The following CNTN5 variants were observed in gnomAD, a reference collection of about 807,000 sequenced individuals.
The protein encoded by CNTN5 is contactin-5.
In CNTN5, 77 loss-of-function variants were observed where a neutral mutation model predicts 129.1. The observed-to-expected ratio is 0.60, with a 90% CI of 0.50 to 0.72. The LOEUF is 0.72. Ranked by LOEUF, CNTN5 falls within the 30% of genes least tolerant of loss-of-function variation. The probability of loss-of-function intolerance (pLI) is 0.00; values close to 1 mark genes in which losing one functional copy is unlikely to be tolerated. For synonymous variants in CNTN5, 509 were observed against 465.6 expected (o/e 1.09, Z -1.20); for missense variants, 1,478 against 1,328.8 (o/e 1.11, Z -1.75).
intron 1 of CNTN5, among the ~76,000 whole-genome samples, chr11:99,103,730 C>T (rs80042358): frequency 0.013 from 2,003 of 148,644 alleles, 46 homozygotes; most frequent in African/African-American, 0.046. Flanking sequence ...CTTGTTTAAC[C>T]AGGTGAACCA....
intron 1 of CNTN5, among the ~76,000 whole-genome samples, chr11:99,225,651 T>C (rs540763168): frequency 7.3e-4 from 111 of 152,258 alleles, no homozygotes; most frequent in African/African-American, 2.4e-3. Context: ...ACAATGATCA[T>C]ACAGTGTTGA....
intron 3 of CNTN5, among the ~76,000 whole-genome samples, chr11:99,739,293 C>G (rs1943816555): frequency 6.6e-6 from 1 of 152,020 alleles, no homozygotes; most frequent in African/African-American, 2.4e-5. Flanking sequence ...CAAGATGGTT[C>G]ATATGAGGAA....
At chr11:100,110,562 G>T (rs994755205) in intron 13 of CNTN5, among the ~76,000 whole-genome samples, 4 of 152,090 alleles carry the variant, frequency 2.6e-5, no homozygotes, top group African/African-American at 9.7e-5. Context: ...AAAAAACACA[G>T]AACAATCTAT....
At chr11:99,477,216 T>G (rs930397354) in intron 2 of CNTN5, among the ~76,000 whole-genome samples, 1 of 151,956 alleles carries the variant, frequency 6.6e-6, no homozygotes, top group Admixed American at 6.6e-5. Context: ...TAGGAAAAGA[T>G]TATTAATATT....
chr11:99,398,784 T>A (rs1345355251), intron 2 of CNTN5, among the ~76,000 whole-genome samples: 1 of 151,952 alleles, frequency 6.6e-6, no homozygotes, highest in Admixed American at 6.6e-5. Context: ...CTTCAGTTTT[T>A]GGCGATTATG....
At chr11:99,829,907 A>C (rs2135600229) in intron 4 of CNTN5, among the ~76,000 whole-genome samples, 1 of 152,270 alleles carries the variant, frequency 6.6e-6, no homozygotes, top group East Asian at 1.9e-4. Context: ...ACCAGAGCTG[A>C]CACTATACCT....
intron 3 of CNTN5, among the ~76,000 whole-genome samples, chr11:99,733,643 A>C (rs937410041): frequency 6.6e-6 from 1 of 152,146 alleles, no homozygotes; most frequent in Non-Finnish European, 1.5e-5. Flanking sequence ...TAAAGATGCA[A>C]GGTGCTGTAG....
intron 3 of CNTN5, among the ~76,000 whole-genome samples, chr11:99,601,780 T>G (rs1042750055): frequency 5.9e-5 from 9 of 152,220 alleles, no homozygotes; most frequent in African/African-American, 2.2e-4. Context: ...GCTGCCTGCT[T>G]TCTGAGCCAG....
rs941717082 is a variant in CNTN5 at position 99,116,513 on chromosome 11, G to T, written c.-210+95243G>T. ...TTGGATGTTGATTTCCTATTCTCAGGTTGCACGTTACATAATAGGCATGCA... is the reference window on the plus strand; with the variant it reads ...TTGGATGTTGATTTCCTATTCTCAGTTTGCACGTTACATAATAGGCATGCA... On this transcript the variant is annotated intron_variant, in intron 1 of 24. Transcript: ENST00000524871. Among the ~76,000 whole-genome samples the T allele has an allele frequency of 2.6e-5, 4 of 152,132 alleles. No homozygotes were observed. The South Asian group carries it at 8.3e-4, about 32-fold the overall frequency.
chr11:99,433,371 ATGTGTGTGTGTGTGTGTGT>A, intron 2 of CNTN5, among the ~76,000 whole-genome samples: 1 of 140,906 alleles, frequency 7.1e-6, no homozygotes, highest in East Asian at 2.0e-4. Context: ...TAAAAAAAAA[ATGTGTGTGTGTGTGTGTGT>A]GTGTGTGTGT....
intron 2 of CNTN5, among the ~76,000 whole-genome samples, chr11:99,417,825 A>G (rs552503288): frequency 5.8e-4 from 89 of 152,264 alleles, no homozygotes; most frequent in African/African-American, 2.1e-3. Context: ...AGCTATTGTT[A>G]GACTTAATAG....
intron 1 of CNTN5, among the ~76,000 whole-genome samples, chr11:99,205,382 A>G (rs1038604204): frequency 1.3e-5 from 2 of 151,942 alleles, no homozygotes; most frequent in African/African-American, 4.8e-5. Flanking sequence ...GTTTGCTCTC[A>G]AGACCCAGAG....
At chr11:100,156,207 A>G (rs1947236441) in intron 13 of CNTN5, among the ~76,000 whole-genome samples, 1 of 152,156 alleles carries the variant, frequency 6.6e-6, no homozygotes, top group Non-Finnish European at 1.5e-5. Context: ...AGTTTTTAGC[A>G]TGAAGCGGTG....
At chr11:99,563,160 TG>T (rs1298631779) in intron 3 of CNTN5, among the ~76,000 whole-genome samples, 2 of 151,912 alleles carry the variant, frequency 1.3e-5, no homozygotes, top group African/African-American at 2.4e-5. Flanking sequence ...AGAAAGAGAG[TG>T]GTCAGCAGTG....
chr11:99,404,087 A>G (rs1941959409), intron 2 of CNTN5, among the ~76,000 whole-genome samples: 2 of 151,966 alleles, frequency 1.3e-5, no homozygotes, highest in African/African-American at 4.8e-5. Flanking sequence ...TGCTGAATTG[A>G]TCCCTTAATC....
chr11:99,814,989 A>C (rs1416253158), intron 3 of CNTN5, among the ~76,000 whole-genome samples: 1 of 152,068 alleles, frequency 6.6e-6, no homozygotes, highest in Non-Finnish European at 1.5e-5. Flanking sequence ...AACACTTATA[A>C]AACCATCAGC....
At chr11:99,253,913 A>G (rs1368378354) in intron 1 of CNTN5, among the ~76,000 whole-genome samples, 3 of 142,342 alleles carry the variant, frequency 2.1e-5, no homozygotes, top group Non-Finnish European at 4.6e-5. Context: ...ATATATATAT[A>G]TATATATATA....
intron 1 of CNTN5, among the ~76,000 whole-genome samples, chr11:99,324,712 G>A (rs1420144524): frequency 5.3e-5 from 8 of 152,050 alleles, no homozygotes; most frequent in Admixed American, 1.3e-4. Context: ...CACAACTCAC[G>A]GTTACTGCAA....
intron 7 of CNTN5, among the ~76,000 whole-genome samples, chr11:99,916,357 G>C (rs765558162): frequency 1.2e-4 from 19 of 152,010 alleles, no homozygotes; most frequent in Non-Finnish European, 2.6e-4. Flanking sequence ...TTGTTTTATT[G>C]CCATTCTAAC....
Sources: gnomAD v4.1 joint callset for allele counts (sites outside exome capture counted in the v4.1 genomes callset) on GRCh38, gnomAD v4.1.1 for gene constraint, MANE v1.5 for transcripts, NCBI Gene and HGNC (gene_info 2026-07-23, HGNC 2026-07-21) for gene names.